PRUNE2: variants seen among roughly 807,000 people sequenced by gnomAD.
PRUNE2 encodes prune homolog 2 with BCH domain, also known as protein prune homolog 2.
In PRUNE2, 164 loss-of-function variants were observed where a neutral mutation model predicts 252.0. That is an observed-to-expected ratio of 0.65 (90% CI 0.57 to 0.74). PRUNE2 has a LOEUF of 0.74. PRUNE2 is among the 30% of genes least tolerant of loss of function. PRUNE2 has a pLI of 0.00. For synonymous variants in PRUNE2, 1,292 were observed against 1,350.2 expected (o/e 0.96, Z 0.94); for missense variants, 3,495 against 3,711.0 (o/e 0.94, Z 1.51).
intron 1 of PRUNE2, among the ~76,000 whole-genome samples, chr9:76,875,752 A>C (rs929158941): frequency 1.3e-5 from 2 of 152,250 alleles, no homozygotes; most frequent in Non-Finnish European, 2.9e-5. Context: ...TGTTTATAAT[A>C]GAATGAATAG....
In PRUNE2 at chr9:76,823,638, G is replaced by C. The variant is rs774092010; in HGVS notation, c.750C>G (p.Asn250Lys). The C allele has an allele frequency of 2.3e-5, 37 of 1,593,370 alleles. No homozygotes were observed. The East Asian group carries it at 8.0e-4, about 35-fold the overall frequency. The change falls in exon 6 of 19, where the codon AAC becomes AAG. Residue 250 changes from asparagine to lysine, a missense_variant. Asn to Lys is a moderately conservative substitution (Grantham distance 94). Coordinates refer to ENST00000376718, the MANE Select transcript of PRUNE2 (RefSeq NM_015225.3). ...IKVAISTVSM[N>K]LENCLFHSNI... is the part of the protein sequence containing the mutation. ...AAAGCATTCCCACCCTTACCTCAAG[G>C]TTCATGCTCACAGTACTAATGGCCA...
At chr9:76,757,714 C>T (rs895221629) in intron 6 of PRUNE2, among the ~76,000 whole-genome samples, 2 of 151,680 alleles carry the variant, frequency 1.3e-5, no homozygotes, top group African/African-American at 4.9e-5. Context: ...GTAACTCCAG[C>T]ATTTTGGGAA....
chr9:76,870,727 T>C (rs544355295), intron 1 of PRUNE2, among the ~76,000 whole-genome samples: 1 of 148,926 alleles, frequency 6.7e-6, no homozygotes, highest in African/African-American at 2.5e-5. Context: ...GGTTTCCAGA[T>C]GTGGTGGTAG....
At chr9:76,681,527 G>A (rs746538481) in intron 9 of PRUNE2, among the ~76,000 whole-genome samples, 1 of 151,754 alleles carries the variant, frequency 6.6e-6, no homozygotes, top group Non-Finnish European at 1.5e-5. Flanking sequence ...ACCACCTTTG[G>A]ATCATAAATC....
Position 76,897,386 on chromosome 9 carries a change from ACCTCTTTTTTTTTTTTTTTTTTTTT to A in PRUNE2, c.36+8517_36+8541del, listed in dbSNP as rs1453336509. ...TTTGTGGCTATGCAACCTTAGGCAA[ACCTCTTTTTTTTTTTTTTTTTTTTT>A]TTTTTTTTTTTTTTTTGAGATGGAG... On this transcript the variant is annotated intron_variant, in intron 1 of 18. Transcript: ENST00000376718. Among the ~76,000 whole-genome samples, 52 of 130,622 alleles carry A rather than the reference ACCTCTTTTTTTTTTTTTTTTTTTTT, an allele frequency of 4.0e-4. 1 individual carries two copies. Among genetic ancestry groups the A allele is most frequent in the African/African-American group, 1.5e-3 (52 of 35,742 alleles). 85.7% of individuals were successfully genotyped at this position (130,622 alleles called of 152,430 possible). A position where few individuals can be genotyped will look rare whatever the true frequency, so the allele number is the denominator to read the frequency against.
chr9:76,775,800 G>A (rs540195130), intron 6 of PRUNE2, among the ~76,000 whole-genome samples: 7 of 152,314 alleles, frequency 4.6e-5, no homozygotes, highest in South Asian at 2.1e-4. Flanking sequence ...TTGCTCACCC[G>A]GCCTTCATGC....
rs758801469 is a variant in PRUNE2, at chr9:76,708,091, C to T, written c.4183G>A (p.Glu1395Lys). The part of the protein sequence containing the change: ...SLAVTFSPQT[E>K]EPEEVLEYEE... The stretch of plus-strand genomic sequence containing the variant: ...TACTCTAAAACTTCCTCTGGTTCCT[C>T]GGTTTGAGGACTGAAAGTGACAGCA... The change falls in exon 8 of 19, where the codon GAG becomes AAG. Residue 1395 changes from glutamate (E) to lysine (K), a missense_variant. Transcript: ENST00000376718. 24 of 1,613,838 alleles carry T rather than the reference C, an allele frequency of 1.5e-5. No individual in the cohort carries two copies. Among genetic ancestry groups the T allele is most frequent in the East Asian group, 1.3e-4 (6 of 44,882 alleles).
intron 4 of PRUNE2, among the ~76,000 whole-genome samples, chr9:76,837,773 A>ATT (rs72342125): frequency 7.2e-6 from 1 of 138,386 alleles, no homozygotes. Flanking sequence ...ACCAAATACT[A>ATT]TTTTTTTTTT....
At chr9:76,855,082 A>AATATATATATATAT (rs1162386020) in intron 1 of PRUNE2, among the ~76,000 whole-genome samples, 18 of 109,348 alleles carry the variant, frequency 1.6e-4, no homozygotes, top group African/African-American at 6.6e-4. Context: ...AAAAAAAAAA[A>AATATATATATATAT]ATATATATAT....
At chr9:76,824,110 A>G (rs1313263638) in intron 5 of PRUNE2, among the ~76,000 whole-genome samples, 1 of 152,192 alleles carries the variant, frequency 6.6e-6, no homozygotes, top group Admixed American at 6.5e-5. Context: ...CTAAGCAGGA[A>G]GAAGGCAAGG....
chr9:76,720,047 T>C (rs1161925174), intron 6 of PRUNE2, among the ~76,000 whole-genome samples: 2 of 152,116 alleles, frequency 1.3e-5, no homozygotes, highest in African/African-American at 4.8e-5. Flanking sequence ...TTACAAACAA[T>C]CTAAATGTCC....
intron 9 of PRUNE2, among the ~76,000 whole-genome samples, chr9:76,698,306 C>T (rs1327756619): frequency 1.3e-5 from 2 of 152,150 alleles, no homozygotes; most frequent in Non-Finnish European, 2.9e-5. Context: ...TTTGGCCTCC[C>T]GAAGTGCTGA....
At position 76,875,881 on chromosome 9, in the gene PRUNE2, G is replaced by A. The variant is rs999990348; in HGVS notation, c.37-21673C>T. 3.3e-5 allele frequency among the ~76,000 whole-genome samples: 5 copies of A among 152,162 alleles called. No homozygotes were observed. The South Asian group carries it at 1.0e-3, about 32-fold the overall frequency. Reference sequence around the variant, plus strand: ...ACTTGGGAGAACATCAAAATCATAGGGTGGGTGCAGAAGGCACCAAGAATA... The same window carrying A: ...ACTTGGGAGAACATCAAAATCATAGAGTGGGTGCAGAAGGCACCAAGAATA... On this transcript the variant is annotated intron_variant, in intron 1 of 18. Coordinates refer to ENST00000376718, the MANE Select transcript of PRUNE2 (RefSeq NM_015225.3).
chr9:76,775,903 C>T (rs1256865949), intron 6 of PRUNE2, among the ~76,000 whole-genome samples: 1 of 143,742 alleles, frequency 7.0e-6, no homozygotes, highest in Non-Finnish European at 1.5e-5. Context: ...CCATTACTCC[C>T]CTCCTCCTAT....
At position 76,829,407 on chromosome 9, in the gene PRUNE2, C is replaced by A. The variant is rs184863817; in HGVS notation, c.509-2675G>T. ...CAGAAAAGGAGTTTTAGTTAAGTAACCCGGTTTTGAAACAGGACCCCTAGA... is the reference window on the plus strand; with the variant it reads ...CAGAAAAGGAGTTTTAGTTAAGTAAACCGGTTTTGAAACAGGACCCCTAGA... On this transcript the variant is annotated intron_variant, in intron 4 of 18. Transcript: ENST00000376718. Among the ~76,000 whole-genome samples the A allele has an allele frequency of 3.1e-3, 467 of 152,162 alleles. 6 individuals are homozygous for A. The highest frequency in any genetic ancestry group is 4.4e-4 in the Non-Finnish European group (30 of 67,992).
chr9:76,852,806 GTCTATCTATCTATCTATCTA>G (rs71354689), intron 2 of PRUNE2, among the ~76,000 whole-genome samples: 1,961 of 76,522 alleles, frequency 0.026, 33 homozygotes, highest in African/African-American at 0.097. Flanking sequence ...CTGTCTGTCT[GTCTATCTATCTATCTATCTA>G]TCTATCTATC....
intron 1 of PRUNE2, among the ~76,000 whole-genome samples, chr9:76,897,768 G>A (rs1222857403): frequency 1.3e-5 from 2 of 152,096 alleles, no homozygotes; most frequent in Non-Finnish European, 1.5e-5. Flanking sequence ...TGCAAAAGGA[G>A]ATTAGTACCT....
At chr9:76,834,639 A>G (rs1003631568) in intron 4 of PRUNE2, among the ~76,000 whole-genome samples, 1 of 152,238 alleles carries the variant, frequency 6.6e-6, no homozygotes, top group Non-Finnish European at 1.5e-5. Flanking sequence ...GGAATAATTT[A>G]GTGAAAACAG....
At chr9:76,655,550 T>C in intron 9 of PRUNE2, 48 bp from the exon 10 acceptor site, 1 of 1,373,918 alleles carries the variant, frequency 7.3e-7, no homozygotes, top group Non-Finnish European at 1.0e-6. Flanking sequence ...TGTGTAAGAC[T>C]TCATTTCTTT....
Sources: gnomAD v4.1 joint callset for allele counts (sites outside exome capture counted in the v4.1 genomes callset) on GRCh38, gnomAD v4.1.1 for gene constraint, MANE v1.5 for transcripts, NCBI Gene and HGNC (gene_info 2026-07-23, HGNC 2026-07-21) for gene names.